EYA2: variants seen among roughly 807,000 people sequenced by gnomAD.
EYA2 encodes protein phosphatase EYA2.
A neutral mutation model predicts 69.2 loss-of-function variants in EYA2; 31 were observed. That is an observed-to-expected ratio of 0.45 (90% confidence interval 0.34 to 0.60). The LOEUF is 0.60. EYA2 is among the 20% of genes least tolerant of loss of function. The pLI is 0.02. For synonymous variants in EYA2, 257 were observed against 279.4 expected, an observed-to-expected ratio of 0.92 and a Z score of 0.80; for missense variants, 622 against 701.2, an observed-to-expected ratio of 0.89 and a Z score of 1.28.
intron 8 of EYA2, 90 bp from the exon 9 acceptor site, chr20:47,096,994 CT>C: frequency 2.1e-6 from 2 of 942,000 alleles, no homozygotes; most frequent in East Asian, 2.5e-5. Flanking sequence ...TTCGAGACTT[CT>C]TTTCCTCCAA....
chr20:46,932,828 G>A (rs1422580425), intron 1 of EYA2, among the ~76,000 whole-genome samples: 1 of 152,180 alleles, frequency 6.6e-6, no homozygotes, highest in Non-Finnish European at 1.5e-5. Flanking sequence ...AGAGGTTGCA[G>A]TGAGCCGAGA....
intron 9 of EYA2, among the ~76,000 whole-genome samples, chr20:47,100,510 CT>C (rs1457755765): frequency 1.3e-5 from 2 of 152,166 alleles, no homozygotes; most frequent in Non-Finnish European, 1.5e-5. Context: ...AAGATTAGAG[CT>C]GGAAGGACTT....
chr20:47,148,058 C>CAAAAAAAAA (rs1264883844), intron 10 of EYA2, among the ~76,000 whole-genome samples: 19 of 82,804 alleles, frequency 2.3e-4, no homozygotes, highest in East Asian at 3.4e-4. Flanking sequence ...GACTCTGTCT[C>CAAAAAAAAA]AAAAAAAAAA....
chr20:46,908,870 C>CTTTTTTTTTTTTTT lies in EYA2; in HGVS notation c.-11+13907_-11+13920dup, dbSNP rs56834738. On this transcript the variant is annotated intron_variant, in intron 1 of 15. Coordinates refer to ENST00000327619, the MANE Select transcript of EYA2 (RefSeq NM_005244.5). ...AAAGGCACTAAGCCTCTCTCCCGCA[C>CTTTTTTTTTTTTTT]TTTTTTTTTTTTTTTTTTTTTTTTT... is the stretch of plus-strand genomic sequence containing the variant. 2.7e-4 allele frequency among the ~76,000 whole-genome samples: 13 copies of CTTTTTTTTTTTTTT among 47,582 alleles called. 2 individuals are homozygous for CTTTTTTTTTTTTTT. The highest frequency in any genetic ancestry group is 1.2e-3 in the East Asian group (1 of 806). The allele number at this position is 47,582 out of a possible 152,430, so 31.2% of individuals were successfully genotyped here.
At chr20:46,906,388 T>C (rs1004850416) in intron 1 of EYA2, among the ~76,000 whole-genome samples, 2 of 152,194 alleles carry the variant, frequency 1.3e-5, no homozygotes, top group African/African-American at 4.8e-5. Flanking sequence ...TAACCAGAAT[T>C]GCAATGCTGT....
chr20:47,052,770 A>G (rs1423367325), intron 5 of EYA2, among the ~76,000 whole-genome samples: 1 of 151,688 alleles, frequency 6.6e-6, no homozygotes, highest in African/African-American at 2.4e-5. Context: ...GTCACCATAC[A>G]CGTGTCACCA....
Position 47,097,091 on chromosome 20 carries a change from T to C in EYA2, c.811T>C (p.Phe271Leu). 1 of 1,609,968 alleles carries C rather than the reference T, an allele frequency of 6.2e-7. No individual in the cohort carries two copies. The highest frequency in any genetic ancestry group is 8.5e-7 in the Non-Finnish European group (1 of 1,178,414). ...PAGDNEIERVFVWDLDETIII... is the reference protein window; with the variant it reads ...PAGDNEIERVLVWDLDETIII... Reference sequence around the variant, plus strand: ...TTCCTCTCTTTCATCACAGCGTGTGTTCGTGTGGGACTTGGATGAGACAAT... The same window carrying C: ...TTCCTCTCTTTCATCACAGCGTGTGCTCGTGTGGGACTTGGATGAGACAAT... The change falls in exon 9 of 16, where the codon TTC becomes CTC. Residue 271 changes from phenylalanine (F) to leucine (L), a missense_variant. Around this residue, in one of 2 missense-constraint regions of EYA2, gnomAD observed 257 missense variants for 351.5 expected, o/e 0.73. Coordinates refer to ENST00000327619, the MANE Select transcript of EYA2 (RefSeq NM_005244.5).
At chr20:47,138,324 A>G (rs2033523383) in intron 9 of EYA2, among the ~76,000 whole-genome samples, 1 of 152,162 alleles carries the variant, frequency 6.6e-6, no homozygotes, top group Non-Finnish European at 1.5e-5. Context: ...ATCTTAGGAA[A>G]ATCTGAAATA....
intron 1 of EYA2, among the ~76,000 whole-genome samples, chr20:46,924,531 G>A (rs1055450756): frequency 6.6e-6 from 1 of 152,066 alleles, no homozygotes; most frequent in Non-Finnish European, 1.5e-5. Flanking sequence ...TTAGCCAGGC[G>A]TGGTGGCGGG....
At chr20:47,139,420 C>T (rs530232619) in intron 9 of EYA2, among the ~76,000 whole-genome samples, 15 of 152,306 alleles carry the variant, frequency 9.8e-5, no homozygotes, top group Non-Finnish European at 2.1e-4. Flanking sequence ...ATGTAACCTC[C>T]AAATTATTTT....
At chr20:47,049,835 C>T (rs534748360) in intron 5 of EYA2, among the ~76,000 whole-genome samples, 2 of 151,742 alleles carry the variant, frequency 1.3e-5, no homozygotes, top group Admixed American at 1.3e-4. Flanking sequence ...CTGTGCCTCT[C>T]TCTCTAGGCT....
chr20:46,947,892 G>A (rs943773747), intron 1 of EYA2, among the ~76,000 whole-genome samples: 3 of 152,116 alleles, frequency 2.0e-5, no homozygotes, highest in African/African-American at 7.2e-5. Flanking sequence ...CAAGGTGGGA[G>A]GATCTCTTAA....
chr20:47,107,709 G>A (rs1358930517), intron 9 of EYA2, among the ~76,000 whole-genome samples: 1 of 144,460 alleles, frequency 6.9e-6, no homozygotes, highest in African/African-American at 2.6e-5. Flanking sequence ...CAAAAGAGAA[G>A]AAGGAAGAAG....
chr20:47,075,162 T>C (rs2031469718), intron 7 of EYA2, among the ~76,000 whole-genome samples: 1 of 152,244 alleles, frequency 6.6e-6, no homozygotes, highest in African/African-American at 2.4e-5. Flanking sequence ...GCTGAGCACA[T>C]ACCTGTGTGG....
chr20:46,966,326 A>G (rs1751594393), intron 1 of EYA2, among the ~76,000 whole-genome samples: 1 of 152,152 alleles, frequency 6.6e-6, no homozygotes, highest in South Asian at 2.1e-4. Context: ...AATACTATTC[A>G]TCACATATTC....
Position 47,072,187 on chromosome 20 carries a change from A to C in EYA2, c.418A>C (p.Thr140Pro). ...ACCCCTGTTCCTCCTTCCCACAGGC[A>C]CAACAGGGTTCTATCAAGGAGGAAA... is the stretch of plus-strand genomic sequence containing the variant. The part of the protein sequence containing the change: ...QSPYTYQMHG[T>P]TGFYQGGNGL... Residue 140 changes from threonine to proline, a missense_variant and splice_region_variant, in exon 6 of 16, where the codon ACA (threonine) becomes CCA (proline). Thr to Pro is a conservative substitution (Grantham distance 38). Coordinates refer to ENST00000327619, the MANE Select transcript of EYA2 (RefSeq NM_005244.5). 6.2e-7 allele frequency: 1 copy of C among 1,612,858 alleles called. No individual in the cohort carries two copies. Among genetic ancestry groups the C allele is most frequent in the Non-Finnish European group, 8.5e-7 (1 of 1,179,374 alleles).
intron 8 of EYA2, among the ~76,000 whole-genome samples, chr20:47,095,215 A>C (rs1251260104): frequency 6.6e-6 from 1 of 152,150 alleles, no homozygotes; most frequent in Non-Finnish European, 1.5e-5. Flanking sequence ...AAGTTATTGG[A>C]AATCTTTTAA....
intron 5 of EYA2, among the ~76,000 whole-genome samples, chr20:47,059,685 A>C (rs780807171): frequency 6.6e-6 from 1 of 152,234 alleles, no homozygotes; most frequent in Non-Finnish European, 1.5e-5. Flanking sequence ...CTTCTGGGAA[A>C]GTGAGAAAGT....
rs571971391 is a variant in EYA2, at chr20:47,074,882, C to T, written c.661+547C>T. Among the ~76,000 whole-genome samples the T allele has an allele frequency of 1.1e-4, 16 of 152,242 alleles. No individual in the cohort carries two copies. The South Asian group carries it at 1.9e-3, about 18-fold the overall frequency. On this transcript the variant is annotated intron_variant, in intron 7 of 15. Transcript: ENST00000327619. Reference sequence around the variant, plus strand: ...ATCCCAGCACTTTTGGAGGCTGAGGCGGGTGGATCACCTGAGGTCAGGAGT... The same window carrying T: ...ATCCCAGCACTTTTGGAGGCTGAGGTGGGTGGATCACCTGAGGTCAGGAGT...
Sources: gnomAD v4.1 joint callset for allele counts (sites outside exome capture counted in the v4.1 genomes callset) on GRCh38, gnomAD v4.1.1 for gene constraint, gnomAD v4.1.1 regional missense constraint, MANE v1.5 for transcripts, NCBI Gene and HGNC (gene_info 2026-07-23, HGNC 2026-07-21) for gene names.